TLE2: variants seen among roughly 807,000 people sequenced by gnomAD.
TLE2 encodes TLE family member 2, transcriptional corepressor.
Under a neutral mutation model 97.2 loss-of-function variants are expected in TLE2, and 74 were observed. The ratio of observed to expected loss-of-function variants is 0.76; its 90% CI spans 0.63 to 0.92. The LOEUF (loss-of-function observed/expected upper bound fraction) is 0.92. Among genes scored for constraint, TLE2 ranks in the 40% least tolerant of loss-of-function variants. The probability of loss-of-function intolerance (pLI) is 0.00; values close to 1 mark genes in which losing one functional copy is unlikely to be tolerated. For missense variants in TLE2, 1,038 were observed against 1,008.7 expected (o/e 1.03, Z -0.39); for synonymous variants, 499 against 432.1 (o/e 1.15, Z -1.92).
rs111915311 is a variant in TLE2, at chr19:3,014,567, C to T, written c.723+3G>A. The T allele has an allele frequency of 2.6e-5, 42 of 1,587,326 alleles. No homozygotes were observed. The South Asian group carries it at 4.7e-4, about 18-fold the overall frequency. On this transcript the variant is annotated splice_donor_region_variant and intron_variant, in intron 10 of 19. Coordinates refer to ENST00000262953, the MANE Select transcript of TLE2 (RefSeq NM_003260.5). ...GGGGAAGAGGCTGGACCCCTGGACT[C>T]ACCTCGTCCACCACCAGATTGTAAT... is the stretch of plus-strand genomic sequence containing the variant.
intron 15 of TLE2, 29 bp from the exon 16 acceptor site, chr19:3,005,997 G>T: frequency 6.2e-7 from 1 of 1,608,974 alleles, no homozygotes. Context: ...GCAGGGGCTG[G>T]GGGTTGGTCC....
At chr19:3,031,367 T>A (rs998866740), upstream of TLE2, among the ~76,000 whole-genome samples, 33 of 83,646 alleles carry the variant, frequency 3.9e-4, no homozygotes, top group African/African-American at 1.3e-3. Context: ...TGTGTGTGTG[T>A]GTGTGTGTGT....
At chr19:3,010,746 G>C (rs936079497) in intron 12 of TLE2, among the ~76,000 whole-genome samples, 2 of 152,194 alleles carry the variant, frequency 1.3e-5, no homozygotes, top group African/African-American at 4.8e-5. Context: ...TGAAACCCAA[G>C]TCTGTCTGGC....
At chr19:3,009,464 T>G in intron 13 of TLE2, 78 bp downstream of exon 13, 1 of 1,460,158 alleles carries the variant, frequency 6.8e-7, no homozygotes, top group Non-Finnish European at 9.1e-7. Flanking sequence ...TGTCTCTCCT[T>G]GTGTAGTTGG....
chr19:3,016,170 A>C (rs892578265), intron 8 of TLE2, among the ~76,000 whole-genome samples: 2 of 151,922 alleles, frequency 1.3e-5, no homozygotes, highest in Non-Finnish European at 2.9e-5. Flanking sequence ...TCCTGACCTC[A>C]GGTGATCCAC....
intron 1 of TLE2, among the ~76,000 whole-genome samples, chr19:3,034,870 G>A (rs1226864020): frequency 6.6e-6 from 1 of 152,078 alleles, no homozygotes; most frequent in South Asian, 2.1e-4. Flanking sequence ...ACAGGGACAC[G>A]TACCCTCCCA....
At chr19:3,007,361 A>C (rs947993680) in intron 14 of TLE2, among the ~76,000 whole-genome samples, 1 of 152,140 alleles carries the variant, frequency 6.6e-6, no homozygotes, top group African/African-American at 2.4e-5. Context: ...AAATGCTGGG[A>C]TTACAGGCAT....
At chr19:3,046,002 C>T (rs183184540), upstream of TLE2, among the ~76,000 whole-genome samples, 4 of 152,170 alleles carry the variant, frequency 2.6e-5, no homozygotes, top group Non-Finnish European at 5.9e-5. Context: ...CTGCTGGAGG[C>T]GTGATAGATG....
chr19:3,031,237 A>AGAGGACCCTTGGGG (rs1387531846), upstream of TLE2, among the ~76,000 whole-genome samples: 3 of 152,020 alleles, frequency 2.0e-5, no homozygotes, highest in Non-Finnish European at 4.4e-5. Context: ...GGTGTCTGGG[A>AGAGGACCCTTGGGG]GAGGACCCTT....
At chr19:2,999,739 AG>A (rs1222156270) in intron 19 of TLE2, among the ~76,000 whole-genome samples, 15 of 70,982 alleles carry the variant, frequency 2.1e-4, no homozygotes, top group African/African-American at 4.3e-4. Context: ...AAAAAAAAAA[AG>A]AAAGAAAAAC....
Position 3,027,847 on chromosome 19 carries a change from G to A in TLE2, c.213C>T (p.Asn71=), listed in dbSNP as rs370199393. ...VMYYEMSYGL[N]IEMHKQAEIV... is the part of the protein sequence containing the mutation. ...CAGTTACCTGCTTATGCATTTCAAT[G>A]TTGAGCCCGTACGACATCTCATAAT... Residue 71 remains asparagine, a synonymous_variant, in exon 4 of 20, where the codon AAC becomes AAT. Transcript: ENST00000262953. The A allele has an allele frequency of 1.7e-5, 28 of 1,611,540 alleles. No individual in the cohort carries two copies. Among genetic ancestry groups the A allele is most frequent in the Non-Finnish European group, 2.4e-5 (28 of 1,179,100 alleles).
chr19:3,029,994 G>T (rs140537535), upstream of TLE2, among the ~76,000 whole-genome samples: 87 of 152,036 alleles, frequency 5.7e-4, no homozygotes, highest in Middle Eastern at 3.4e-3. Flanking sequence ...ATGGAGTAGG[G>T]GGGCGTCTCA....
rs577914817 is a variant in TLE2, at chr19:3,000,794, G to A, written c.2048-71C>T. On this transcript the variant is annotated intron_variant, in intron 18 of 19. Transcript: ENST00000262953. Reference sequence around the variant, plus strand: ...GAGACCCGGGCTGCAGGGGGAGGTCGGGGAAGCTGGGTCTGGGTCTGGCCT... The same window carrying A: ...GAGACCCGGGCTGCAGGGGGAGGTCAGGGAAGCTGGGTCTGGGTCTGGCCT... 3.5e-4 allele frequency: 423 copies of A among 1,208,242 alleles called. 3 individuals are homozygous for A. In the East Asian group the frequency reaches 9.9e-3, roughly 28 times the overall value. 74.8% of individuals were successfully genotyped at this position (1,208,242 alleles called of 1,614,324 possible). A position where few individuals can be genotyped will look rare whatever the true frequency, so the allele number is the denominator to read the frequency against.
At chr19:3,034,611 CA>C in intron 1 of TLE2, among the ~76,000 whole-genome samples, 1 of 151,808 alleles carries the variant, frequency 6.6e-6, no homozygotes, top group African/African-American at 2.4e-5. Flanking sequence ...AGGCCCAACC[CA>C]AAAACTGTCT....
In TLE2 at chr19:3,016,339, G is replaced by T. The variant is rs1196702999; in HGVS notation, c.571-579C>A. Among the ~76,000 whole-genome samples the T allele has an allele frequency of 2.0e-5, 3 of 148,346 alleles. No homozygotes were observed. The East Asian group carries it at 6.3e-4, about 31-fold the overall frequency. On this transcript the variant is annotated intron_variant, in intron 8 of 19. Coordinates refer to ENST00000262953, the MANE Select transcript of TLE2 (RefSeq NM_003260.5). ...GCCTATAATCCCAGCACTTTGGGAG[G>T]CCGAGGCGGGCGGATCACAAGGTCA...
At chr19:2,998,237 ATGTGTG>A (rs56398458) in intron 19 of TLE2, among the ~76,000 whole-genome samples, 18,328 of 121,154 alleles carry the variant, frequency 0.15, 1,481 homozygotes, top group East Asian at 0.25. Flanking sequence ...CGCCCGGCCA[ATGTGTG>A]TGTGTGTGTG....
At chr19:2,999,348 G>C (rs946933637) in intron 19 of TLE2, among the ~76,000 whole-genome samples, 3 of 151,966 alleles carry the variant, frequency 2.0e-5, no homozygotes, top group East Asian at 3.9e-4. Flanking sequence ...AACCAGGACG[G>C]GCATATTAAA....
chr19:3,021,493 G>A (rs2089843125), intron 5 of TLE2, among the ~76,000 whole-genome samples: 1 of 152,212 alleles, frequency 6.6e-6, no homozygotes, highest in South Asian at 2.1e-4. Context: ...CATTTGACAT[G>A]TGGCTGGTGC....
In TLE2 at chr19:3,028,993, G is replaced by T. The variant is rs2089994142; in HGVS notation, c.-89C>A. ...GGGGGAGGCTGAAGTGGGGTGGTGG[G>T]GAGGCTGCCCGAAGAAAGAGGGAGG... On this transcript the variant is annotated 5_prime_UTR_variant, in exon 1 of 20. Transcript: ENST00000262953. 1.3e-6 allele frequency: 2 copies of T among 1,547,050 alleles called. No individual in the cohort carries two copies. Among genetic ancestry groups the T allele is most frequent in the African/African-American group, 1.4e-5 (1 of 72,530 alleles).
Sources: gnomAD v4.1 joint callset for allele counts (sites outside exome capture counted in the v4.1 genomes callset) on GRCh38, gnomAD v4.1.1 for gene constraint, MANE v1.5 for transcripts, NCBI Gene and HGNC (gene_info 2026-07-23, HGNC 2026-07-21) for gene names.